ARHGAP24: variants seen among roughly 807,000 people sequenced by gnomAD.
ARHGAP24 encodes the protein rho GTPase-activating protein 24.
ARHGAP24 carries 50 observed loss-of-function variants against 76.4 expected under a neutral mutation model. The ratio of observed to expected loss-of-function variants is 0.65; its 90% CI spans 0.52 to 0.83. ARHGAP24 has a LOEUF of 0.83. Among genes scored for constraint, ARHGAP24 ranks in the 40% least tolerant of loss-of-function variants. ARHGAP24 has a pLI of 0.00. For missense variants in ARHGAP24, 930 were observed against 914.2 expected (o/e 1.02, Z -0.22); for synonymous variants, 345 against 323.3 (o/e 1.07, Z -0.72).
chr4:85,854,147 A>G (rs919337126), intron 3 of ARHGAP24, among the ~76,000 whole-genome samples: 136 of 151,180 alleles, frequency 9.0e-4, no homozygotes, highest in African/African-American at 3.2e-3. Context: ...AAAAAAAAAA[A>G]AAAAAAAAGA....
At chr4:85,582,833 T>C (rs1172082960) in intron 2 of ARHGAP24, among the ~76,000 whole-genome samples, 2 of 152,174 alleles carry the variant, frequency 1.3e-5, no homozygotes, top group African/African-American at 2.4e-5. Context: ...ATTATATAAT[T>C]TGATTTTATC....
chr4:85,771,462 T>G (rs1352491076), intron 3 of ARHGAP24, among the ~76,000 whole-genome samples: 1 of 152,248 alleles, frequency 6.6e-6, no homozygotes, highest in Non-Finnish European at 1.5e-5. Context: ...GATTGCATTA[T>G]GCCCACTCAC....
chr4:85,488,344 G>T (rs1025480914), intron 1 of ARHGAP24, among the ~76,000 whole-genome samples: 1 of 152,028 alleles, frequency 6.6e-6, no homozygotes, highest in African/African-American at 2.4e-5. Context: ...TAGAGGAGAA[G>T]AATAAAATTA....
rs1385660837 is a variant in ARHGAP24, at chr4:85,597,405, T to C, written c.180+26684T>C. 2.6e-5 allele frequency among the ~76,000 whole-genome samples: 4 copies of C among 152,184 alleles called. 1 individual carries two copies. The highest frequency in any genetic ancestry group is 9.6e-5 in the African/African-American group (4 of 41,566). On this transcript the variant is annotated intron_variant, in intron 2 of 9. Coordinates refer to ENST00000395184, the MANE Select transcript of ARHGAP24 (RefSeq NM_001025616.3). The stretch of plus-strand genomic sequence containing the variant: ...TTACTTGAGAAAACCAGGTCATTAT[T>C]GGAGAAGAGCAAAGTGATGCCTAGA...
intron 4 of ARHGAP24, among the ~76,000 whole-genome samples, chr4:85,932,474 G>A (rs1363901818): frequency 7.9e-6 from 1 of 126,076 alleles, no homozygotes; most frequent in East Asian, 2.2e-4. Context: ...TCACCTTCCC[G>A]TCTCCCATAG....
intron 4 of ARHGAP24, among the ~76,000 whole-genome samples, chr4:85,926,948 C>T (rs1421105659): frequency 2.0e-5 from 3 of 151,956 alleles, no homozygotes; most frequent in Non-Finnish European, 2.9e-5. Flanking sequence ...CCTTATTGAT[C>T]GTATATTCTT....
Position 85,930,181 on chromosome 4 carries a change from G to C in ARHGAP24, c.391+6411G>C, listed in dbSNP as rs115899323. 6,102 of 902,160 alleles carry C rather than the reference G, an allele frequency of 6.8e-3. 319 individuals carry two copies. The African/African-American group carries it at 0.1, about 15-fold the overall frequency. 55.9% of individuals were successfully genotyped at this position (902,160 alleles called of 1,614,324 possible). A position where few individuals can be genotyped will look rare whatever the true frequency, so the allele number is the denominator to read the frequency against. On this transcript the variant is annotated intron_variant, in intron 4 of 9. Coordinates refer to ENST00000395184, the MANE Select transcript of ARHGAP24 (RefSeq NM_001025616.3). ...AGGGGAGACGGAGCAGGAGGAGGGGGAGGAGATGCTCCCTGCAAAGCTGCC... is the reference window on the plus strand; with the variant it reads ...AGGGGAGACGGAGCAGGAGGAGGGGCAGGAGATGCTCCCTGCAAAGCTGCC...
At chr4:85,871,269 A>G (rs1399129480) in intron 3 of ARHGAP24, among the ~76,000 whole-genome samples, 2 of 152,198 alleles carry the variant, frequency 1.3e-5, no homozygotes. Flanking sequence ...TATGAACAAA[A>G]AATCAGCTAC....
At chr4:85,589,691 A>G (rs1259725974) in intron 2 of ARHGAP24, among the ~76,000 whole-genome samples, 1 of 152,186 alleles carries the variant, frequency 6.6e-6, no homozygotes, top group Non-Finnish European at 1.5e-5. Flanking sequence ...TTTGAAACTA[A>G]TAATTCCTCT....
chr4:85,774,586 T>G (rs932028677), intron 3 of ARHGAP24, among the ~76,000 whole-genome samples: 5 of 152,182 alleles, frequency 3.3e-5, no homozygotes, highest in African/African-American at 1.2e-4. Context: ...GCAAATGTAA[T>G]CACATATCTA....
intron 3 of ARHGAP24, among the ~76,000 whole-genome samples, chr4:85,878,644 T>C (rs1180131758): frequency 6.6e-6 from 1 of 152,164 alleles, no homozygotes; most frequent in Non-Finnish European, 1.5e-5. Context: ...TATCATATCT[T>C]GGAATAAGAT....
At chr4:85,859,212 T>C (rs112389027) in intron 3 of ARHGAP24, among the ~76,000 whole-genome samples, 46 of 145,454 alleles carry the variant, frequency 3.2e-4, no homozygotes, top group Non-Finnish European at 6.3e-4. Flanking sequence ...GCCACATGCA[T>C]ACACACACAC....
chr4:85,569,911 C>T (rs1400187117), intron 1 of ARHGAP24, among the ~76,000 whole-genome samples: 1 of 152,168 alleles, frequency 6.6e-6, no homozygotes, highest in Non-Finnish European at 1.5e-5. Context: ...CCTGCAGGGG[C>T]CTGTCCTAGG....
intron 2 of ARHGAP24, among the ~76,000 whole-genome samples, chr4:85,713,035 C>T (rs1243760998): frequency 1.3e-5 from 2 of 152,162 alleles, no homozygotes; most frequent in East Asian, 3.9e-4. Context: ...TGGTGGCTCA[C>T]GCCTATAATC....
chr4:85,746,274 T>C (rs1323388670), intron 3 of ARHGAP24, among the ~76,000 whole-genome samples: 1 of 152,216 alleles, frequency 6.6e-6, no homozygotes, highest in Non-Finnish European at 1.5e-5. Flanking sequence ...TTAAGAATCA[T>C]TTAGTGTTGC....
chr4:85,887,813 A>G (rs1164821643), intron 3 of ARHGAP24, among the ~76,000 whole-genome samples: 3 of 152,194 alleles, frequency 2.0e-5, no homozygotes, highest in Admixed American at 6.5e-5. Flanking sequence ...AAGTGAGGTC[A>G]TAGGTAAGAT....
At chr4:85,707,702 C>T (rs1223398141) in intron 2 of ARHGAP24, among the ~76,000 whole-genome samples, 1 of 152,014 alleles carries the variant, frequency 6.6e-6, no homozygotes, top group Non-Finnish European at 1.5e-5. Context: ...AGGAATGGAC[C>T]GCTAATGAAC....
intron 2 of ARHGAP24, among the ~76,000 whole-genome samples, chr4:85,662,544 G>A (rs1722438013): frequency 6.6e-6 from 1 of 151,462 alleles, no homozygotes; most frequent in Non-Finnish European, 1.5e-5. Flanking sequence ...TGTCAATTTT[G>A]TCTTTTTTTG....
At chr4:85,530,214 T>C (rs1270324605) in intron 1 of ARHGAP24, among the ~76,000 whole-genome samples, 2 of 151,986 alleles carry the variant, frequency 1.3e-5, no homozygotes, top group African/African-American at 4.8e-5. Flanking sequence ...CTAGTGGGTA[T>C]AAAATAGTAA....
Sources: gnomAD v4.1 joint callset for allele counts (sites outside exome capture counted in the v4.1 genomes callset) on GRCh38, gnomAD v4.1.1 for gene constraint, MANE v1.5 for transcripts, NCBI Gene and HGNC (gene_info 2026-07-23, HGNC 2026-07-21) for gene names.